The following CAPN9 variants were observed in gnomAD, a reference collection of about 807,000 sequenced individuals.
CAPN9 encodes calpain 9, also known as calpain-9.
A neutral mutation model predicts 92.8 loss-of-function variants in CAPN9; 81 were observed. The observed-to-expected ratio is 0.87, with a 90% CI of 0.73 to 1.05. The LOEUF (loss-of-function observed/expected upper bound fraction) is 1.05. Among genes scored for constraint, CAPN9 ranks in the 50% least tolerant of loss-of-function variants. The pLI, the probability that CAPN9 is intolerant of heterozygous loss-of-function variation, is 0.00. For missense variants in CAPN9, 848 were observed against 866.2 expected, an observed-to-expected ratio of 0.98 and a Z score of 0.26; for synonymous variants, 304 against 328.0, an observed-to-expected ratio of 0.93 and a Z score of 0.79.
At chr1:230,751,673 A>AAGAAAG (rs202204075) in intron 1 of CAPN9, among the ~76,000 whole-genome samples, 1 of 44,636 alleles carries the variant, frequency 2.2e-5, no homozygotes. Context: ...GAAAGAAAGA[A>AAGAAAG]AGAAAGAAAG....
At chr1:230,768,041 TAAATAAATAAATAAAAAATA>T (rs375745428) in intron 5 of CAPN9, among the ~76,000 whole-genome samples, 9,839 of 123,514 alleles carry the variant, frequency 0.08, 398 homozygotes, top group Non-Finnish European at 0.12. Flanking sequence ...AATAAATAAA[TAAATAAATAAATAAAAAATA>T]AAATAAAATA....
chr1:230,772,143 G>A (rs1185712191), intron 7 of CAPN9, 44 bp downstream of exon 7: 23 of 1,536,094 alleles, frequency 1.5e-5, no homozygotes, highest in Middle Eastern at 1.7e-4. Context: ...CCCGGGGCGT[G>A]TGGGGCCAGA....
chr1:230,768,344 G>A (rs1022160476), intron 5 of CAPN9, among the ~76,000 whole-genome samples: 14 of 152,024 alleles, frequency 9.2e-5, no homozygotes, highest in African/African-American at 2.7e-4. Flanking sequence ...CCATACAGGC[G>A]CATTTTTACC....
intron 13 of CAPN9, among the ~76,000 whole-genome samples, chr1:230,788,220 A>G (rs1186498443): frequency 6.6e-6 from 1 of 152,206 alleles, no homozygotes; most frequent in South Asian, 2.1e-4. Flanking sequence ...CTGCCTGAAA[A>G]TCACTGCCAT....
intron 9 of CAPN9, among the ~76,000 whole-genome samples, chr1:230,779,626 G>C (rs1246485139): frequency 6.6e-6 from 1 of 152,148 alleles, no homozygotes; most frequent in Non-Finnish European, 1.5e-5. Flanking sequence ...TCAAAAAAAA[G>C]CCCTCAACTT....
intron 2 of CAPN9, among the ~76,000 whole-genome samples, chr1:230,757,206 C>T (rs1665288687): frequency 1.3e-5 from 2 of 152,092 alleles, no homozygotes; most frequent in Non-Finnish European, 2.9e-5. Flanking sequence ...GAACCAATCC[C>T]CCATGTATGC....
rs1308280549 is a variant in CAPN9, at chr1:230,747,556, G to T, written c.60G>T (p.Arg20=). 3.7e-6 allele frequency: 6 copies of T among 1,614,156 alleles called. No homozygotes were observed. The highest frequency in any genetic ancestry group is 2.2e-5 in the East Asian group (1 of 44,878). The change falls in exon 1 of 20, where the codon CGG becomes CGT. Residue 20 remains arginine (R), a synonymous_variant. Coordinates refer to ENST00000271971, the MANE Select transcript of CAPN9 (RefSeq NM_006615.3). The part of the protein sequence containing the change: ...PQAHPVPKDA[R]ITHSSGQSFE... ...CACACCCGGTTCCCAAGGACGCCCG[G>T]ATCACCCACTCCTCAGGCCAGAGCT...
intron 11 of CAPN9, among the ~76,000 whole-genome samples, chr1:230,782,965 C>T (rs1026399841): frequency 3.9e-5 from 6 of 152,052 alleles, no homozygotes; most frequent in African/African-American, 7.2e-5. Flanking sequence ...TGCAGTGAGC[C>T]GAGATCATGC....
intron 1 of CAPN9, among the ~76,000 whole-genome samples, chr1:230,754,128 G>T (rs1032549764): frequency 2.6e-5 from 4 of 151,888 alleles, no homozygotes; most frequent in African/African-American, 7.3e-5. Flanking sequence ...GGGCGGGGCA[G>T]GAGGCTGGGA....
chr1:230,747,552 C>G lies in CAPN9; in HGVS notation c.56C>G (p.Ala19Gly). 1 of 1,614,188 alleles carries G rather than the reference C, an allele frequency of 6.2e-7. No individual in the cohort carries two copies. The highest frequency in any genetic ancestry group is 8.5e-7 in the Non-Finnish European group (1 of 1,180,048). The change falls in exon 1 of 20, where the codon GCC becomes GGC. Residue 19 changes from alanine (A) to glycine (G), a missense_variant. Ala to Gly is a moderately conservative substitution (Grantham distance 60, BLOSUM62 0). Coordinates refer to ENST00000271971, the MANE Select transcript of CAPN9 (RefSeq NM_006615.3). ...GPQAHPVPKD[A>G]RITHSSGQSF... ...CAGGCACACCCGGTTCCCAAGGACGCCCGGATCACCCACTCCTCAGGCCAG... is the reference window on the plus strand; with the variant it reads ...CAGGCACACCCGGTTCCCAAGGACGGCCGGATCACCCACTCCTCAGGCCAG...
intron 14 of CAPN9, among the ~76,000 whole-genome samples, chr1:230,791,377 T>C (rs1667970164): frequency 6.6e-6 from 1 of 152,234 alleles, no homozygotes; most frequent in Non-Finnish European, 1.5e-5. Flanking sequence ...AACTGTTTTC[T>C]AAAGTGACTA....
intron 11 of CAPN9, among the ~76,000 whole-genome samples, chr1:230,781,862 T>A (rs566710785): frequency 6.6e-6 from 1 of 152,098 alleles, no homozygotes; most frequent in East Asian, 1.9e-4. Flanking sequence ...TCTAGTGGGG[T>A]TTCCCAAGCT....
chr1:230,786,011 T>G lies in CAPN9; in HGVS notation c.1512T>G (p.Leu504=), dbSNP rs1667558566. ...RDMDGNVDID[L]PEPPKPTPPD... ...TGGATGGAAATGTAGACATTGACCT[T>G]CCTGAGGTGAGTCTTCTGATGTTGC... Residue 504 remains leucine (L), a synonymous_variant, in exon 12 of 20, where the codon CTT becomes CTG. Coordinates refer to ENST00000271971, the MANE Select transcript of CAPN9 (RefSeq NM_006615.3). The G allele has an allele frequency of 6.2e-7, 1 of 1,613,866 alleles. No homozygotes were observed. Among genetic ancestry groups the G allele is most frequent in the African/African-American group, 1.3e-5 (1 of 74,932 alleles).
At chr1:230,749,788 G>A (rs1357591735) in intron 1 of CAPN9, among the ~76,000 whole-genome samples, 1 of 152,166 alleles carries the variant, frequency 6.6e-6, no homozygotes, top group East Asian at 1.9e-4. Context: ...CAAAGAGCCT[G>A]GTGTGTAAAG....
intron 5 of CAPN9, among the ~76,000 whole-genome samples, 163 bp downstream of exon 5, chr1:230,767,872 G>A (rs895362997): frequency 3.3e-5 from 5 of 151,928 alleles, no homozygotes; most frequent in African/African-American, 1.2e-4. Context: ...AAGTTTTGGG[G>A]GGAGGTGGGA....
chr1:230,794,558 A>C (rs1041644557), intron 17 of CAPN9, among the ~76,000 whole-genome samples: 1 of 152,218 alleles, frequency 6.6e-6, no homozygotes. Flanking sequence ...TGAGGAAACC[A>C]AAGCCCAGAG....
At chr1:230,783,319 G>T (rs1399080250) in intron 11 of CAPN9, among the ~76,000 whole-genome samples, 1 of 152,160 alleles carries the variant, frequency 6.6e-6, no homozygotes, top group Non-Finnish European at 1.5e-5. Context: ...CAAGTTCTTG[G>T]TGATGGCTGA....
At chr1:230,800,601 T>C (rs1226043080) in intron 19 of CAPN9, among the ~76,000 whole-genome samples, 2 of 152,106 alleles carry the variant, frequency 1.3e-5, no homozygotes, top group African/African-American at 4.8e-5. Flanking sequence ...CTGCCCCATA[T>C]CATCACCCTG....
chr1:230,790,005 C>T, intron 13 of CAPN9, 127 bp from the exon 14 acceptor site: 1 of 682,406 alleles, frequency 1.5e-6, no homozygotes, highest in South Asian at 2.0e-5. Flanking sequence ...TACATCTGCC[C>T]ACAGCAGGGT....
Sources: gnomAD v4.1 joint callset for allele counts (sites outside exome capture counted in the v4.1 genomes callset) on GRCh38, gnomAD v4.1.1 for gene constraint, MANE v1.5 for transcripts, NCBI Gene and HGNC (gene_info 2026-07-23, HGNC 2026-07-21) for gene names.